The following IRAK1BP1 variants were observed in gnomAD, a reference collection of about 807,000 sequenced individuals.
The protein encoded by IRAK1BP1 is interleukin 1 receptor associated kinase 1 binding protein 1.
A neutral mutation model predicts 28.0 loss-of-function variants in IRAK1BP1; 24 were observed. The ratio of observed to expected loss-of-function variants is 0.86; its 90% CI spans 0.62 to 1.20. The LOEUF is 1.20. IRAK1BP1 is among the 50% of genes most tolerant of loss of function. The pLI, the probability that IRAK1BP1 is intolerant of heterozygous loss-of-function variation, is 0.00. For missense variants in IRAK1BP1, 336 were observed against 316.7 expected (o/e 1.06, Z -0.46); for synonymous variants, 131 against 116.3 (o/e 1.13, Z -0.81).
downstream of IRAK1BP1, among the ~76,000 whole-genome samples, chr6:78,906,701 A>C (rs542661723): frequency 1.3e-5 from 2 of 152,146 alleles, no homozygotes; most frequent in Non-Finnish European, 2.9e-5. Flanking sequence ...ATGCATACTG[A>C]TCTTGGATTA....
At position 78,867,847 on chromosome 6, in the gene IRAK1BP1, C is replaced by T. The variant is rs143611653; in HGVS notation, c.271C>T (p.Arg91Cys). Residue 91 changes from arginine to cysteine, a missense_variant, in exon 1 of 4, where the codon CGT (arginine) becomes TGT (cysteine). By Grantham distance (180) the Arg-to-Cys change is radical. Coordinates refer to ENST00000369940, the MANE Select transcript of IRAK1BP1 (RefSeq NM_001010844.4). The part of the protein sequence containing the change: ...AAEAKKSVCR[R>C]LDYITQSLQQ... ...CGAGGCCAAAAAGAGCGTTTGTCGC[C>T]GTCTAGATTACATCACGCAGAGCCT... 1.3e-5 allele frequency: 21 copies of T among 1,609,342 alleles called. No homozygotes were observed. The highest frequency in any genetic ancestry group is 5.1e-5 in the Admixed American group (3 of 59,340).
intron 1 of IRAK1BP1, among the ~76,000 whole-genome samples, chr6:78,870,678 A>T (rs528493684): frequency 6.6e-6 from 1 of 152,198 alleles, no homozygotes; most frequent in Non-Finnish European, 1.5e-5. Context: ...AACAAACATT[A>T]AGCCTTTCTT....
chr6:78,883,230 C>A (rs1771294723), intron 1 of IRAK1BP1, among the ~76,000 whole-genome samples: 2 of 152,124 alleles, frequency 1.3e-5, no homozygotes, highest in Admixed American at 1.3e-4. Context: ...CACTACACTG[C>A]AGCCTGGACA....
At chr6:78,950,588 T>C (rs370791819), downstream of IRAK1BP1, among the ~76,000 whole-genome samples, 11 of 152,312 alleles carry the variant, frequency 7.2e-5, no homozygotes, top group South Asian at 2.3e-3. Flanking sequence ...AATATCGGTC[T>C]ATTTCATGTA....
rs1772162345 is a variant in IRAK1BP1, at chr6:78,903,088, A to G, written c.*4754A>G. On this transcript the variant is annotated 3_prime_UTR_variant, in exon 4 of 4. Transcript: ENST00000369940. ...TCATGAATCCCACATCAAATGAACAAATACTGCCTCTGGACTCTGAATGTA... is the reference window on the plus strand; with the variant it reads ...TCATGAATCCCACATCAAATGAACAGATACTGCCTCTGGACTCTGAATGTA... 2 of 1,501,890 alleles carry G rather than the reference A, an allele frequency of 1.3e-6. No individual in the cohort carries two copies. The highest frequency in any genetic ancestry group is 1.8e-6 in the Non-Finnish European group (2 of 1,116,282). 93.0% of individuals were successfully genotyped at this position (1,501,890 alleles called of 1,614,324 possible). A position where few individuals can be genotyped will look rare whatever the true frequency, so the allele number is the denominator to read the frequency against.
At chr6:78,937,584 C>T (rs1773322427) in intron 4 of IRAK1BP1, 2 of 151,706 alleles carry the variant, frequency 1.3e-5, no homozygotes, top group Admixed American at 6.6e-5. Flanking sequence ...ATTCCACATA[C>T]TTATTTACTT....
intron 1 of IRAK1BP1, among the ~76,000 whole-genome samples, chr6:78,883,592 GAC>G (rs1259650863): frequency 3.3e-5 from 5 of 151,998 alleles, no homozygotes; most frequent in Non-Finnish European, 5.9e-5. Context: ...TGAAAAATGA[GAC>G]ATGTTTTATG....
the IRAK1BP1 span, chr6:78,957,259 TTC>T: frequency 5.3e-5 from 8 of 152,032 alleles, no homozygotes; most frequent in African/African-American, 1.7e-4. Flanking sequence ...GTTCTACTGA[TTC>T]TCTTTGAAAA....
At chr6:78,925,033 C>G (rs1772848595) in intron 4 of IRAK1BP1, among the ~76,000 whole-genome samples, 1 of 152,008 alleles carries the variant, frequency 6.6e-6, no homozygotes, top group African/African-American at 2.4e-5. Context: ...ATGGATGAAG[C>G]TGGAAACACC....
intron 1 of IRAK1BP1, among the ~76,000 whole-genome samples, chr6:78,873,424 C>T (rs1159376881): frequency 1.3e-5 from 2 of 151,142 alleles, no homozygotes; most frequent in Non-Finnish European, 2.9e-5. Flanking sequence ...TTTTTTTCTA[C>T]CTTTGTATAT....
downstream of IRAK1BP1, among the ~76,000 whole-genome samples, chr6:78,947,458 C>T (rs1363379907): frequency 6.6e-6 from 1 of 152,102 alleles, no homozygotes; most frequent in Non-Finnish European, 1.5e-5. Context: ...TTATTTCATA[C>T]AAGGAGCTGA....
chr6:78,946,501 A>C, downstream of IRAK1BP1: 1 of 1,396,478 alleles, frequency 7.2e-7, no homozygotes, highest in Non-Finnish European at 9.2e-7. Flanking sequence ...ATGCTGTTTT[A>C]CTGTATAGAT....
chr6:78,938,288 C>T (rs1773346686), intron 4 of IRAK1BP1: 1 of 151,540 alleles, frequency 6.6e-6, no homozygotes, highest in Non-Finnish European at 1.5e-5. Flanking sequence ...GTCTGTAGAA[C>T]AGGAATAATA....
At chr6:78,893,587 T>G (rs922129809) in intron 2 of IRAK1BP1, among the ~76,000 whole-genome samples, 1 of 152,018 alleles carries the variant, frequency 6.6e-6, no homozygotes, top group Non-Finnish European at 1.5e-5. Flanking sequence ...TAAATCTCTT[T>G]AGAAATCTCT....
intron 2 of IRAK1BP1, among the ~76,000 whole-genome samples, chr6:78,896,380 A>G (rs1174639022): frequency 6.6e-6 from 1 of 151,914 alleles, no homozygotes; most frequent in African/African-American, 2.4e-5. Flanking sequence ...AACGAATACT[A>G]TTCAGCATAA....
chr6:78,875,035 C>G (rs1770944713), intron 1 of IRAK1BP1, among the ~76,000 whole-genome samples: 1 of 151,660 alleles, frequency 6.6e-6, no homozygotes, highest in South Asian at 2.1e-4. Context: ...AAGGAATAAG[C>G]AGGAAAAAAA....
the IRAK1BP1 span, among the ~76,000 whole-genome samples, chr6:78,973,802 G>T: frequency 6.6e-6 from 1 of 151,648 alleles, no homozygotes; most frequent in Non-Finnish European, 1.5e-5. Flanking sequence ...ATGGTAAAGG[G>T]GTCAATTCAA....
chr6:78,947,240 T>C (rs1582084648), downstream of IRAK1BP1, among the ~76,000 whole-genome samples: 1 of 152,204 alleles, frequency 6.6e-6, no homozygotes, highest in Non-Finnish European at 1.5e-5. Context: ...CGTTGCTATA[T>C]AGCACTCCTT....
intron 4 of IRAK1BP1, among the ~76,000 whole-genome samples, chr6:78,943,402 A>G (rs1773609596): frequency 6.6e-6 from 1 of 152,216 alleles, no homozygotes; most frequent in Admixed American, 6.5e-5. Flanking sequence ...CCAATTCATC[A>G]TATATATTTG....
Sources: gnomAD v4.1 joint callset for allele counts (sites outside exome capture counted in the v4.1 genomes callset) on GRCh38, gnomAD v4.1.1 for gene constraint, MANE v1.5 for transcripts, NCBI Gene and HGNC (gene_info 2026-07-23, HGNC 2026-07-21) for gene names.